CSMD1: variants seen among roughly 807,000 people sequenced by gnomAD.
CSMD1 encodes CUB and Sushi multiple domains 1, also known as CUB and sushi domain-containing protein 1.
CSMD1 carries 213 observed loss-of-function variants against 417.5 expected under a neutral mutation model. That is an observed-to-expected ratio of 0.51 (90% confidence interval 0.46 to 0.57). The LOEUF (loss-of-function observed/expected upper bound fraction) is 0.57, where lower values mean the gene tolerates loss of function less well. Among genes scored for constraint, CSMD1 ranks in the 20% least tolerant of loss-of-function variants. CSMD1 has a pLI of 0.00. For synonymous variants in CSMD1, 2,862 were observed against 1,736.8 expected (o/e 1.65, Z -16.11); for missense variants, 6,923 against 4,529.7 (o/e 1.53, Z -15.17).
At chr8:3,675,832 G>C (rs961317674) in intron 7 of CSMD1, among the ~76,000 whole-genome samples, 8 of 152,180 alleles carry the variant, frequency 5.3e-5, no homozygotes, top group Non-Finnish European at 7.3e-5. Context: ...GACTAAGCTG[G>C]TGGCATTTCC....
chr8:4,658,888 C>G (rs1043457730), intron 1 of CSMD1, among the ~76,000 whole-genome samples: 25 of 152,040 alleles, frequency 1.6e-4, no homozygotes, highest in African/African-American at 6.0e-4. Context: ...TATAGGAGCA[C>G]AACTTTTCTA....
intron 3 of CSMD1, among the ~76,000 whole-genome samples, chr8:4,366,650 T>C (rs1290373068): frequency 6.6e-6 from 1 of 152,148 alleles, no homozygotes; most frequent in African/African-American, 2.4e-5. Context: ...TATCTCATCG[T>C]GGTTTTGATT....
chr8:4,903,237 A>G (rs1805013558), intron 1 of CSMD1, among the ~76,000 whole-genome samples: 1 of 152,184 alleles, frequency 6.6e-6, no homozygotes, highest in Non-Finnish European at 1.5e-5. Flanking sequence ...CTGCACTTAC[A>G]GCCAGACTTA....
At chr8:4,014,361 G>T (rs184480426) in intron 4 of CSMD1, among the ~76,000 whole-genome samples, 2 of 152,154 alleles carry the variant, frequency 1.3e-5, no homozygotes, top group African/African-American at 2.4e-5. Context: ...GTAAAATATT[G>T]AGAATCAAAT....
chr8:4,299,406 G>C (rs958715539), intron 3 of CSMD1, among the ~76,000 whole-genome samples: 22 of 152,262 alleles, frequency 1.4e-4, no homozygotes, highest in African/African-American at 5.3e-4. Context: ...CTCAACATGA[G>C]AGAGGTGATT....
intron 2 of CSMD1, among the ~76,000 whole-genome samples, chr8:4,439,870 T>C (rs1315164144): frequency 6.6e-6 from 1 of 152,138 alleles, no homozygotes; most frequent in Non-Finnish European, 1.5e-5. Flanking sequence ...GATGGTGTAA[T>C]GAGATCCCAA....
rs540218807 is a variant in CSMD1 at position 4,720,789 on chromosome 8, T to G, written c.86-83231A>C. Among the ~76,000 whole-genome samples the G allele has an allele frequency of 2.0e-5, 3 of 152,326 alleles. No individual in the cohort carries two copies. In the South Asian group the frequency reaches 6.2e-4, roughly 32 times the overall value. On this transcript the variant is annotated intron_variant, in intron 1 of 69. Transcript: ENST00000635120. The stretch of plus-strand genomic sequence containing the variant: ...ATCATCTTGGTCCATACTTTGTGAC[T>G]TAGAATTCCATCTAAAGATCAACAA...
At chr8:4,205,687 A>G (rs970841513) in intron 3 of CSMD1, among the ~76,000 whole-genome samples, 2 of 151,880 alleles carry the variant, frequency 1.3e-5, no homozygotes, top group Non-Finnish European at 2.9e-5. Flanking sequence ...AAATTTTTAC[A>G]AAGTTTCTTC....
chr8:3,766,685 A>AATTTTTTT (rs989235584), intron 5 of CSMD1, among the ~76,000 whole-genome samples: 4 of 152,094 alleles, frequency 2.6e-5, no homozygotes, highest in African/African-American at 9.7e-5. Context: ...AAAAAAAAAC[A>AATTTTTTT]TGGTAACAAT....
intron 23 of CSMD1, among the ~76,000 whole-genome samples, chr8:3,316,513 G>C (rs997611360): frequency 7.5e-6 from 1 of 134,094 alleles, no homozygotes. Flanking sequence ...TTGGTAGCTG[G>C]AGGGGTTCAG....
chr8:4,105,431 G>T (rs551397690), intron 3 of CSMD1, among the ~76,000 whole-genome samples: 145 of 152,208 alleles, frequency 9.5e-4, no homozygotes, highest in Non-Finnish European at 1.8e-3. Flanking sequence ...ATGGACACTG[G>T]TTAAACTCAT....
chr8:3,131,350 A>G, intron 41 of CSMD1, among the ~76,000 whole-genome samples: 1 of 151,888 alleles, frequency 6.6e-6, no homozygotes, highest in Non-Finnish European at 1.5e-5. Context: ...TAATAATAAA[A>G]GAAAAAAAAG....
chr8:4,772,082 C>A (rs1363350334), intron 1 of CSMD1, among the ~76,000 whole-genome samples: 1 of 152,174 alleles, frequency 6.6e-6, no homozygotes, highest in African/African-American at 2.4e-5. Flanking sequence ...GTATTTCTTC[C>A]TGCAGGCTTG....
At chr8:4,152,223 C>T (rs1330885286) in intron 3 of CSMD1, among the ~76,000 whole-genome samples, 1 of 152,128 alleles carries the variant, frequency 6.6e-6, no homozygotes, top group Non-Finnish European at 1.5e-5. Context: ...CATACACTTT[C>T]AACATTATTC....
At chr8:4,212,292 C>G (rs139190747) in intron 3 of CSMD1, among the ~76,000 whole-genome samples, 25 of 151,850 alleles carry the variant, frequency 1.6e-4, no homozygotes, top group African/African-American at 6.0e-4. Flanking sequence ...CAAACTTAGT[C>G]AAAACTAGAT....
intron 41 of CSMD1, among the ~76,000 whole-genome samples, chr8:3,133,447 G>A (rs1350657359): frequency 6.6e-6 from 1 of 152,186 alleles, no homozygotes; most frequent in African/African-American, 2.4e-5. Context: ...GCAGCTGGGG[G>A]TGCCTTGGCC....
chr8:4,416,253 A>T (rs576675752), intron 3 of CSMD1, among the ~76,000 whole-genome samples: 1 of 152,124 alleles, frequency 6.6e-6, no homozygotes, highest in Admixed American at 6.6e-5. Flanking sequence ...CAAAACTTCT[A>T]TTTTCCGAAA....
intron 5 of CSMD1, among the ~76,000 whole-genome samples, chr8:3,985,093 G>A (rs539558060): frequency 6.6e-6 from 1 of 152,006 alleles, no homozygotes; most frequent in East Asian, 1.9e-4. Flanking sequence ...ATGTTACTTA[G>A]GGGGGACTTG....
chr8:4,594,578 G>A (rs1416912187), intron 2 of CSMD1, among the ~76,000 whole-genome samples: 2 of 152,094 alleles, frequency 1.3e-5, no homozygotes, highest in East Asian at 3.9e-4. Context: ...TTTTTTGGAG[G>A]GGGGCACAAC....
Sources: allele counts gnomAD v4.1 joint callset (sites outside exome capture counted in the v4.1 genomes callset), GRCh38; gene constraint gnomAD v4.1.1; transcripts MANE v1.5; gene names NCBI Gene and HGNC (gene_info 2026-07-23, HGNC 2026-07-21).